CCDC82: variants seen among roughly 807,000 people sequenced by gnomAD.
CCDC82 encodes the protein coiled-coil domain-containing protein 82.
Under a neutral mutation model 60.6 loss-of-function variants are expected in CCDC82, and 47 were observed. That is an observed-to-expected ratio of 0.77 (90% CI 0.61 to 0.99). The LOEUF (loss-of-function observed/expected upper bound fraction) is 0.99. CCDC82 is among the 50% of genes least tolerant of loss of function. CCDC82 has a pLI of 0.00. For synonymous variants in CCDC82, 212 were observed against 207.4 expected (o/e 1.02, Z -0.19); for missense variants, 588 against 633.0 (o/e 0.93, Z 0.76).
chr11:96,388,032 C>G (rs954437251), intron 1 of CCDC82: 1 of 152,198 alleles, frequency 6.6e-6, no homozygotes, highest in Non-Finnish European at 1.5e-5. Flanking sequence ...GGACCAACTG[C>G]CAAATTGCCA....
At chr11:96,389,558 G>C (rs1018777194) in intron 1 of CCDC82, 1 of 152,226 alleles carries the variant, frequency 6.6e-6, no homozygotes, top group Non-Finnish European at 1.5e-5. Context: ...GGTCTGGAAA[G>C]GCCAGAAACC....
chr11:96,373,320 T>C, intron 6 of CCDC82, 55 bp downstream of exon 6: 1 of 1,172,166 alleles, frequency 8.5e-7, no homozygotes. Context: ...TGAGGTTGTT[T>C]TAAAATTGGA....
At chr11:96,363,516 C>T (rs573844057) in intron 8 of CCDC82, 2 of 152,240 alleles carry the variant, frequency 1.3e-5, no homozygotes, top group South Asian at 4.1e-4. Context: ...ATATAGATGC[C>T]TAGACAGTGC....
rs995607854 is a variant in CCDC82 at position 96,370,892 on chromosome 11, A to T, written c.1209+121T>A. On this transcript the variant is annotated intron_variant, in intron 7 of 9. Coordinates refer to ENST00000646818, the MANE Select transcript of CCDC82 (RefSeq NM_024725.4). ...ACTTTTAGAAGATGTGAGAAATAAT[A>T]AGCTGATTATTTAACAAAGACATGC... 1.0e-5 allele frequency: 8 copies of T among 785,998 alleles called. No individual in the cohort carries two copies. The African/African-American group carries it at 1.4e-4, about 14-fold the overall frequency. 48.7% of individuals were successfully genotyped at this position (785,998 alleles called of 1,614,324 possible).
chr11:96,370,289 T>C (rs922569373), intron 7 of CCDC82, among the ~76,000 whole-genome samples: 2 of 152,160 alleles, frequency 1.3e-5, no homozygotes, highest in African/African-American at 2.4e-5. Context: ...ATCATTAGAA[T>C]ATAGAATGTT....
chr11:96,377,604 T>C (rs1865656966), intron 5 of CCDC82, among the ~76,000 whole-genome samples: 1 of 152,170 alleles, frequency 6.6e-6, no homozygotes, highest in Admixed American at 6.5e-5. Flanking sequence ...AAGCCAGGTA[T>C]GGACATTGAA....
Position 96,384,701 on chromosome 11 carries a change from T to C in CCDC82, c.47A>G (p.His16Arg). The C allele has an allele frequency of 6.2e-7, 1 of 1,611,590 alleles. No homozygotes were observed. Among genetic ancestry groups the C allele is most frequent in the Non-Finnish European group, 8.5e-7 (1 of 1,179,140 alleles). The change falls in exon 4 of 10, where the codon CAC becomes CGC. Residue 16 changes from histidine to arginine, a missense_variant. His to Arg is a conservative substitution (Grantham distance 29, BLOSUM62 0). Coordinates refer to ENST00000646818, the MANE Select transcript of CCDC82 (RefSeq NM_024725.4). ...RHETRRNSKS[H>R]VPEQKSRVDW... ...AACTCGAGATTTCTGCTCAGGCACG[T>C]GACTCTTAGAATTTCTCCTTGTTTC... is the stretch of plus-strand genomic sequence containing the variant.
chr11:96,353,589 A>C lies in CCDC82; in HGVS notation c.*57T>G. 1 of 1,244,086 alleles carries C rather than the reference A, an allele frequency of 8.0e-7. No homozygotes were observed. The allele number at this position is 1,244,086 out of a possible 1,614,324, so 77.1% of individuals were successfully genotyped here. On this transcript the variant is annotated 3_prime_UTR_variant, in exon 10 of 10. Transcript: ENST00000646818. ...ACATGTCACATGATACAGAAAAACA[A>C]GAATCATGATCTTCACATTTACAGG...
At chr11:96,373,984 G>C (rs750420568) in intron 5 of CCDC82, among the ~76,000 whole-genome samples, 6 of 152,078 alleles carry the variant, frequency 3.9e-5, no homozygotes, top group Non-Finnish European at 7.4e-5. Flanking sequence ...TAGAAAACTT[G>C]TCTATTTCCT....
intron 6 of CCDC82, 50 bp from the exon 7 acceptor site, chr11:96,371,187 T>G (rs751747487): frequency 7.8e-7 from 1 of 1,290,266 alleles, no homozygotes. Context: ...ATTAGAAATA[T>G]TTAAACTATT....
chr11:96,381,780 G>C (rs1279729688), intron 5 of CCDC82: 1 of 151,742 alleles, frequency 6.6e-6, no homozygotes, highest in Non-Finnish European at 1.5e-5. Context: ...TAGTGCCCAA[G>C]TCCATTTAAG....
At chr11:96,389,095 T>C (rs1408182869) in intron 1 of CCDC82, 2 of 152,132 alleles carry the variant, frequency 1.3e-5, no homozygotes, top group African/African-American at 2.4e-5. Context: ...AGTTCTTCTA[T>C]TGGCAGGAAA....
intron 9 of CCDC82, chr11:96,358,663 T>C (rs1377332290): frequency 8.1e-7 from 1 of 1,241,882 alleles, no homozygotes; most frequent in South Asian, 3.2e-5. Context: ...TCCTATACTC[T>C]GTCAAAAAAA....
intron 7 of CCDC82, 108 bp from the exon 8 acceptor site, chr11:96,365,258 G>A (rs1565305925): frequency 3.1e-6 from 2 of 641,640 alleles, no homozygotes; most frequent in East Asian, 2.9e-5. Context: ...AGAGATATAA[G>A]AGCAAAACAC....
At chr11:96,360,054 T>C (rs1217890328) in intron 8 of CCDC82, among the ~76,000 whole-genome samples, 2 of 149,950 alleles carry the variant, frequency 1.3e-5, no homozygotes, top group African/African-American at 4.9e-5. Context: ...AAATTTGTTA[T>C]ACAAAACTAC....
chr11:96,358,412 C>T, intron 9 of CCDC82: 1 of 1,227,228 alleles, frequency 8.1e-7, no homozygotes, highest in Non-Finnish European at 1.0e-6. Context: ...CTCCTGTTAT[C>T]AAATTTAGTG....
rs544358143 is a variant in CCDC82 at position 96,374,730 on chromosome 11, A to G, written c.992-1263T>C. ...ACCCAGGAATTAGACCCAGTACCCA[A>G]TAGTTATCTTTTCTGCTTCTCTCCC... On this transcript the variant is annotated intron_variant, in intron 5 of 9. Coordinates refer to ENST00000646818, the MANE Select transcript of CCDC82 (RefSeq NM_024725.4). Among the ~76,000 whole-genome samples the G allele has an allele frequency of 1.2e-4, 18 of 152,228 alleles. No individual in the cohort carries two copies. The East Asian group carries it at 2.1e-3, about 18-fold the overall frequency.
chr11:96,356,485 T>C, intron 9 of CCDC82: 3 of 985,342 alleles, frequency 3.0e-6, no homozygotes, highest in Non-Finnish European at 3.6e-6. Context: ...CTGGTGTTTA[T>C]GCATCCACCA....
chr11:96,354,540 A>ATT (rs973228544), intron 9 of CCDC82: 2 of 152,226 alleles, frequency 1.3e-5, no homozygotes, highest in Non-Finnish European at 2.9e-5. Flanking sequence ...TCGGTAAAAC[A>ATT]TTCATTCTAG....
Sources: allele counts gnomAD v4.1 joint callset (sites outside exome capture counted in the v4.1 genomes callset), GRCh38; gene constraint gnomAD v4.1.1; transcripts MANE v1.5; gene names NCBI Gene and HGNC (gene_info 2026-07-23, HGNC 2026-07-21).